The following PCDHA1 variants were observed in gnomAD, a reference collection of about 807,000 sequenced individuals.
PCDHA1 encodes protocadherin alpha-1.
Under a neutral mutation model 61.3 loss-of-function variants are expected in PCDHA1, and 42 were observed. The ratio of observed to expected loss-of-function variants is 0.69; its 90% CI spans 0.54 to 0.89. The LOEUF (loss-of-function observed/expected upper bound fraction) is 0.89, where lower values mean the gene tolerates loss of function less well. Among genes scored for constraint, PCDHA1 ranks in the 40% least tolerant of loss-of-function variants. The pLI is 0.00. For synonymous variants in PCDHA1, 610 were observed against 553.8 expected (o/e 1.10, Z -1.43); for missense variants, 1,256 against 1,235.3 (o/e 1.02, Z -0.25).
intron 1 of PCDHA1, chr5:140,860,694 G>T (rs1263105739): frequency 2.6e-5 from 4 of 152,196 alleles, no homozygotes; most frequent in African/African-American, 7.2e-5. Context: ...TGAGCGACAG[G>T]ATATTGTTGT....
intron 1 of PCDHA1, chr5:140,855,749 C>T (rs2043605580): frequency 3.1e-6 from 1 of 325,346 alleles, no homozygotes. Context: ...TAATGTGAGG[C>T]TTTGAAAGTC....
rs1476497862 is a variant in PCDHA1 at position 140,947,129 on chromosome 5, T to TAGTAAAATG, written c.2395-31819_2395-31811dup. Among the ~76,000 whole-genome samples the TAGTAAAATG allele has an allele frequency of 1.0e-3, 152 of 151,378 alleles. 1 individual carries two copies. Among genetic ancestry groups the TAGTAAAATG allele is most frequent in the African/African-American group, 3.5e-3 (145 of 41,346 alleles). On this transcript the variant is annotated intron_variant, in intron 1 of 3. Transcript: ENST00000504120. The stretch of plus-strand genomic sequence containing the variant: ...TACGTGTCAATTAAAATAATAAAAA[T>TAGTAAAATG]AGTAAAATGTATAGTTACTTCCACG...
intron 1 of PCDHA1, chr5:140,853,229 A>G (rs2042677990): frequency 2.0e-6 from 2 of 981,308 alleles, no homozygotes; most frequent in Admixed American, 1.3e-4. Flanking sequence ...TTGGTAATTT[A>G]GTCCTTCATA....
At chr5:140,822,339 G>A (rs1347495985) in intron 1 of PCDHA1, 6 of 1,613,926 alleles carry the variant, frequency 3.7e-6, no homozygotes, top group Non-Finnish European at 4.2e-6. Flanking sequence ...AAGAAGAAAC[G>A]AACTTTTTAG....
At chr5:140,973,342 A>ATAGTAATT (rs1437052159) in intron 1 of PCDHA1, among the ~76,000 whole-genome samples, 4 of 152,344 alleles carry the variant, frequency 2.6e-5, no homozygotes, top group Admixed American at 2.6e-4. Context: ...GTAAAGTGAC[A>ATAGTAATT]TAGTAGTGAA....
chr5:140,875,176 A>G, intron 1 of PCDHA1: 1 of 397,444 alleles, frequency 2.5e-6, no homozygotes, highest in Non-Finnish European at 4.2e-6. Context: ...TCGAAACATT[A>G]GAATTAAGAG....
intron 3 of PCDHA1, among the ~76,000 whole-genome samples, chr5:141,005,544 A>G (rs1197838847): frequency 6.6e-6 from 1 of 151,492 alleles, no homozygotes; most frequent in Non-Finnish European, 1.5e-5. Flanking sequence ...TCTACTAAAA[A>G]TACAAAAATT....
At chr5:140,901,643 G>A (rs1011127972) in intron 1 of PCDHA1, among the ~76,000 whole-genome samples, 7 of 151,908 alleles carry the variant, frequency 4.6e-5, no homozygotes, top group Non-Finnish European at 8.8e-5. Context: ...TGATTCTTCC[G>A]GTTTTGTTCT....
At chr5:140,883,476 A>G (rs782692069) in intron 1 of PCDHA1, 7 of 1,614,082 alleles carry the variant, frequency 4.3e-6, no homozygotes, top group Admixed American at 3.3e-5. Flanking sequence ...ACCTACAAGA[A>G]CTACTACTCA....
rs782723382 is a variant in PCDHA1 at position 140,807,795 on chromosome 5, A to G, written c.2394+19111A>G. The G allele has an allele frequency of 5.0e-6, 8 of 1,614,158 alleles. No individual in the cohort carries two copies. The Admixed American group carries it at 1.3e-4, about 27-fold the overall frequency. The stretch of plus-strand genomic sequence containing the variant: ...ATATTACGGAAATCTTTAGACAGAG[A>G]AGAAGCTCCGGAGATTTTTTTAGTG... On this transcript the variant is annotated intron_variant, in intron 1 of 3. Coordinates refer to ENST00000504120, the MANE Select transcript of PCDHA1 (RefSeq NM_018900.4).
At chr5:140,941,216 T>TTTCTTTCTTTCC (rs782179127) in intron 1 of PCDHA1, among the ~76,000 whole-genome samples, 13 of 124,948 alleles carry the variant, frequency 1.0e-4, no homozygotes, top group Non-Finnish European at 1.8e-4. Context: ...TCTTTCTTCC[T>TTTCTTTCTTTCC]TTCTTTCTTT....
chr5:140,869,614 A>T lies in PCDHA1; in HGVS notation c.2394+80930A>T, dbSNP rs1554163296. ...TGAAGAGAATGCTCTATTGACCTACAGGCTAAGTAAAAATGAGTATTTTTC... is the reference window on the plus strand; with the variant it reads ...TGAAGAGAATGCTCTATTGACCTACTGGCTAAGTAAAAATGAGTATTTTTC... On this transcript the variant is annotated intron_variant, in intron 1 of 3. Transcript: ENST00000504120. 2 of 1,613,940 alleles carry T rather than the reference A, an allele frequency of 1.2e-6. No homozygotes were observed. The highest frequency in any genetic ancestry group is 4.5e-5 in the East Asian group (2 of 44,886).
At chr5:140,941,214 C>CCTTTCTTTCTTCCTTTCTTT (rs2092876516) in intron 1 of PCDHA1, among the ~76,000 whole-genome samples, 18 of 122,412 alleles carry the variant, frequency 1.5e-4, no homozygotes, top group Non-Finnish European at 2.9e-4. Context: ...TTTCTTTCTT[C>CCTTTCTTTCTTCCTTTCTTT]CTTTCTTTCT....
chr5:140,862,768 G>A (rs1409687409), intron 1 of PCDHA1: 1 of 576,568 alleles, frequency 1.7e-6, no homozygotes, highest in Admixed American at 1.9e-5. Flanking sequence ...CAAGAGGTAC[G>A]CGTTGCAGCC....
chr5:140,813,095 G>A (rs1036186093), intron 1 of PCDHA1: 1 of 152,168 alleles, frequency 6.6e-6, no homozygotes, highest in African/African-American at 2.4e-5. Flanking sequence ...GAGTGTGCTT[G>A]AGAAGACTGT....
intron 1 of PCDHA1, among the ~76,000 whole-genome samples, chr5:140,890,513 C>T (rs1376774987): frequency 2.0e-5 from 3 of 151,948 alleles, no homozygotes; most frequent in Non-Finnish European, 4.4e-5. Flanking sequence ...GTCTCTATTT[C>T]CTTCCTTTGT....
intron 3 of PCDHA1, among the ~76,000 whole-genome samples, chr5:141,005,701 CAAAAAAAAAAAAAAAAAA>C (rs59860837): frequency 2.6e-4 from 2 of 7,786 alleles, no homozygotes; most frequent in Non-Finnish European, 5.4e-4. Flanking sequence ...AACTCCGTCT[CAAAAAAAAAAAAAAAAAA>C]AAAAAAAAAA....
At chr5:140,835,917 G>T in intron 1 of PCDHA1, 1 of 1,612,332 alleles carries the variant, frequency 6.2e-7, no homozygotes, top group Non-Finnish European at 8.5e-7. Flanking sequence ...GTCAGTGCAC[G>T]CGGAGAGCGG....
chr5:140,877,135 G>C, intron 1 of PCDHA1: 1 of 1,613,790 alleles, frequency 6.2e-7, no homozygotes, highest in Non-Finnish European at 8.5e-7. Flanking sequence ...GCAGGTGTTC[G>C]TGCTGGACGA....
Sources: gnomAD v4.1 joint callset for allele counts (sites outside exome capture counted in the v4.1 genomes callset) on GRCh38, gnomAD v4.1.1 for gene constraint, MANE v1.5 for transcripts, NCBI Gene and HGNC (gene_info 2026-07-23, HGNC 2026-07-21) for gene names.